The following CDC42BPA variants were observed in gnomAD, a reference collection of about 807,000 sequenced individuals.
CDC42BPA encodes the protein CDC42 binding protein kinase alpha, also known as serine/threonine-protein kinase MRCK alpha.
In CDC42BPA, 80 loss-of-function variants were observed where a neutral mutation model predicts 223.5. The ratio of observed to expected loss-of-function variants is 0.36; its 90% CI spans 0.30 to 0.43. CDC42BPA has a LOEUF of 0.43. Among genes scored for constraint, CDC42BPA ranks in the 20% least tolerant of loss-of-function variants. The pLI is 1.00. For synonymous variants in CDC42BPA, 694 were observed against 718.6 expected, an observed-to-expected ratio of 0.97 and a Z score of 0.55; for missense variants, 1,743 against 2,099.9, an observed-to-expected ratio of 0.83 and a Z score of 3.32.
chr1:227,050,209 A>C (rs1673262323), intron 22 of CDC42BPA, among the ~76,000 whole-genome samples: 1 of 152,200 alleles, frequency 6.6e-6, no homozygotes, highest in South Asian at 2.1e-4. Flanking sequence ...GCAAATCATC[A>C]ATGGTCAATA....
chr1:227,196,338 C>CTTTTTTTTTTTTTTTTGTTTTTT (rs1553388919), intron 4 of CDC42BPA, among the ~76,000 whole-genome samples: 2 of 92,352 alleles, frequency 2.2e-5, no homozygotes, highest in Non-Finnish European at 1.9e-5. Context: ...TTAAACAATA[C>CTTTTTTTTTTTTTTTTGTTTTTT]TTTTTTTTTT....
In CDC42BPA at chr1:227,142,839, C is replaced by T. The variant is rs140587186; in HGVS notation, c.1223+106G>A. On this transcript the variant is annotated intron_variant, in intron 9 of 36. Coordinates refer to ENST00000366766, the MANE Select transcript of CDC42BPA (RefSeq NM_001394014.1). ...TTCACCATATTGGCCAGGCTGGTCTCGATCTCCTGACCTCATGATACACCT... is the reference window on the plus strand; with the variant it reads ...TTCACCATATTGGCCAGGCTGGTCTTGATCTCCTGACCTCATGATACACCT... 7.9e-3 allele frequency: 4,728 copies of T among 599,882 alleles called. 21 individuals carry two copies. The highest frequency in any genetic ancestry group is 0.011 in the Middle Eastern group (30 of 2,712). 37.2% of individuals were successfully genotyped at this position (599,882 alleles called of 1,614,324 possible).
At chr1:227,289,871 G>A (rs902399751) in intron 1 of CDC42BPA, among the ~76,000 whole-genome samples, 4 of 128,070 alleles carry the variant, frequency 3.1e-5, no homozygotes, top group Non-Finnish European at 6.4e-5. Context: ...GGGCAACATG[G>A]TGAGACCCTG....
chr1:227,209,228 G>T (rs1673419074), intron 3 of CDC42BPA, among the ~76,000 whole-genome samples: 1 of 146,738 alleles, frequency 6.8e-6, no homozygotes, highest in Admixed American at 6.9e-5. Flanking sequence ...CTTTGCTGAA[G>T]TTGTTTATCA....
intron 5 of CDC42BPA, among the ~76,000 whole-genome samples, chr1:227,185,336 AG>A (rs1239590353): frequency 2.6e-5 from 4 of 152,154 alleles, no homozygotes; most frequent in African/African-American, 9.7e-5. Flanking sequence ...TGCAAATGTT[AG>A]CCATTAGAAA....
chr1:227,163,740 A>ATATATAT (rs936652813), intron 5 of CDC42BPA, among the ~76,000 whole-genome samples: 4 of 141,710 alleles, frequency 2.8e-5, no homozygotes, highest in African/African-American at 1.0e-4. Context: ...GTAAAAAAAA[A>ATATATAT]AAATATATAT....
intron 2 of CDC42BPA, chr1:227,219,461 A>G (rs1363660893): frequency 1.3e-5 from 2 of 152,234 alleles, no homozygotes; most frequent in African/African-American, 2.4e-5. Flanking sequence ...GTTAAGCAGT[A>G]ACTAACACAA....
At chr1:227,263,680 C>T (rs1684494303) in intron 1 of CDC42BPA, among the ~76,000 whole-genome samples, 1 of 151,010 alleles carries the variant, frequency 6.6e-6, no homozygotes. Context: ...CTCCCAGGTT[C>T]AGGTGATTCT....
chr1:227,279,363 TA>T (rs1238380830), intron 1 of CDC42BPA, among the ~76,000 whole-genome samples: 1 of 152,136 alleles, frequency 6.6e-6, no homozygotes, highest in Non-Finnish European at 1.5e-5. Flanking sequence ...ACTGCTTTCA[TA>T]AAACAGTTTT....
chr1:227,107,106 G>A (rs1686066569), intron 14 of CDC42BPA, among the ~76,000 whole-genome samples: 1 of 152,136 alleles, frequency 6.6e-6, no homozygotes, highest in South Asian at 2.1e-4. Flanking sequence ...AATTTTGATA[G>A]GGACTGAATT....
At chr1:227,112,218 C>G in intron 14 of CDC42BPA, 94 bp downstream of exon 14, 1 of 588,184 alleles carries the variant, frequency 1.7e-6, no homozygotes. Context: ...CTAGTTTTCA[C>G]TGCACACCGA....
chr1:227,311,019 T>C lies in CDC42BPA; in HGVS notation c.178+5986A>G, dbSNP rs1187818663. ...GAGTTTTTATATACAACAAAAAACTTGTGTCTGGGATAATCCATACTTACA... is the reference window on the plus strand; with the variant it reads ...GAGTTTTTATATACAACAAAAAACTCGTGTCTGGGATAATCCATACTTACA... On this transcript the variant is annotated intron_variant, in intron 1 of 36. Coordinates refer to ENST00000366766, the MANE Select transcript of CDC42BPA (RefSeq NM_001394014.1). 2.0e-5 allele frequency among the ~76,000 whole-genome samples: 3 copies of C among 152,052 alleles called. No homozygotes were observed. In the East Asian group the frequency reaches 5.8e-4, roughly 29 times the overall value.
chr1:227,231,179 CCT>C (rs1279455656), intron 2 of CDC42BPA, among the ~76,000 whole-genome samples: 1 of 143,666 alleles, frequency 7.0e-6, no homozygotes, highest in East Asian at 2.1e-4. Flanking sequence ...TGTTCCCCAC[CCT>C]GTGTCCAAGC....
intron 5 of CDC42BPA, among the ~76,000 whole-genome samples, chr1:227,191,215 C>T (rs1341305407): frequency 6.6e-6 from 1 of 151,892 alleles, no homozygotes; most frequent in Non-Finnish European, 1.5e-5. Flanking sequence ...CTTCATGGCG[C>T]ATGACTGTAA....
At chr1:227,177,466 T>C (rs1020697045) in intron 5 of CDC42BPA, among the ~76,000 whole-genome samples, 1 of 152,146 alleles carries the variant, frequency 6.6e-6, no homozygotes, top group Non-Finnish European at 1.5e-5. Flanking sequence ...CTGAGATCAT[T>C]CCATTTTTTT....
intron 4 of CDC42BPA, among the ~76,000 whole-genome samples, chr1:227,199,102 T>C (rs951516360): frequency 6.6e-6 from 1 of 152,186 alleles, no homozygotes; most frequent in African/African-American, 2.4e-5. Context: ...CATGTGTTAG[T>C]TATGTAATAA....
At chr1:227,301,455 G>A (rs546475267) in intron 1 of CDC42BPA, among the ~76,000 whole-genome samples, 1 of 152,058 alleles carries the variant, frequency 6.6e-6, no homozygotes, top group African/African-American at 2.4e-5. Context: ...TGCCTCCTGG[G>A]TTCAAGCGAT....
intron 8 of CDC42BPA, among the ~76,000 whole-genome samples, chr1:227,144,448 G>C (rs1180723366): frequency 6.6e-6 from 1 of 151,750 alleles, no homozygotes; most frequent in Non-Finnish European, 1.5e-5. Flanking sequence ...GGTGGCGCAC[G>C]CCTACAGTTC....
In CDC42BPA at chr1:227,027,502, C is replaced by T. The variant is rs148533495; in HGVS notation, c.4432+1155G>A. On this transcript the variant is annotated intron_variant, in intron 30 of 36. Transcript: ENST00000366766. ...TTCTTGGCGGTCTTACTCTATTTCC[C>T]ATATAGACAACTTTTCCATGTAGTT... 3.6e-3 allele frequency among the ~76,000 whole-genome samples: 552 copies of T among 152,302 alleles called. 3 individuals are homozygous for T. The highest frequency in any genetic ancestry group is 0.012 in the African/African-American group (519 of 41,554).
Sources: allele counts gnomAD v4.1 joint callset (sites outside exome capture counted in the v4.1 genomes callset), GRCh38; gene constraint gnomAD v4.1.1; transcripts MANE v1.5; gene names NCBI Gene and HGNC (gene_info 2026-07-23, HGNC 2026-07-21).